Variants in TMEM233 observed in about 807,000 individuals in gnomAD.
TMEM233 encodes transmembrane protein 233.
Under a neutral mutation model 11.2 loss-of-function variants are expected in TMEM233, and 6 were observed. The observed-to-expected ratio is 0.54, with a 90% CI of 0.29 to 1.06. The LOEUF (loss-of-function observed/expected upper bound fraction) is 1.06, where lower values mean the gene tolerates loss of function less well. Ranked by LOEUF, TMEM233 falls within the 50% of genes least tolerant of loss-of-function variation. TMEM233 has a pLI of 0.08. For synonymous variants in TMEM233, 59 were observed against 55.8 expected, an observed-to-expected ratio of 1.06 and a Z score of -0.26; for missense variants, 127 against 144.7, an observed-to-expected ratio of 0.88 and a Z score of 0.63.
At position 119,594,817 on chromosome 12, in the gene TMEM233, G is replaced by A. The variant is rs1272222600; in HGVS notation, c.186+783G>A. On this transcript the variant is annotated intron_variant, in intron 1 of 2. Coordinates refer to ENST00000426426, the MANE Select transcript of TMEM233 (RefSeq NM_001136534.3). The surrounding 1 kb of genome is among the most constrained non-coding windows in gnomAD (Gnocchi z 5.6). The stretch of plus-strand genomic sequence containing the variant: ...TGCCCCCCTCACCAGCAAAGTGGGT[G>A]CGCCTCTCTTACTCTTTCTACCCAG... Among the ~76,000 whole-genome samples, 2 of 152,082 alleles carry A rather than the reference G, an allele frequency of 1.3e-5. No homozygotes were observed. The highest frequency in any genetic ancestry group is 2.9e-5 in the Non-Finnish European group (2 of 68,000).
At chr12:119,609,470 A>G (rs1469983705) in intron 1 of TMEM233, among the ~76,000 whole-genome samples, 1 of 152,240 alleles carries the variant, frequency 6.6e-6, no homozygotes, top group Non-Finnish European at 1.5e-5. Context: ...ACAATGGGCA[A>G]AATGTCTCCA....
chr12:119,613,985 G>A (rs1420345176), intron 1 of TMEM233, among the ~76,000 whole-genome samples: 1 of 151,934 alleles, frequency 6.6e-6, no homozygotes, highest in Non-Finnish European at 1.5e-5. Context: ...AGTGAGCAAG[G>A]GAAAAGGCTC....
chr12:119,628,097 G>T (rs942801105), intron 1 of TMEM233, among the ~76,000 whole-genome samples: 5 of 152,210 alleles, frequency 3.3e-5, no homozygotes, highest in Non-Finnish European at 7.3e-5. Context: ...CAGTCATGGA[G>T]CTGTAACTCA....
intron 1 of TMEM233, among the ~76,000 whole-genome samples, chr12:119,608,884 T>C (rs2136698613): frequency 1.3e-5 from 2 of 152,286 alleles, no homozygotes; most frequent in Non-Finnish European, 2.9e-5. Flanking sequence ...GCCCTGGAGA[T>C]AAATGCCCGC....
At position 119,626,538 on chromosome 12, in the gene TMEM233, G is replaced by GAAGAGAAGAGAAGAGAA. The variant is rs1566109309; in HGVS notation, c.187-3198_187-3197insAAGAGAAGAGAAGAGAA. ...AGGAGGAGAAGGGAGAAGGGAGAAG[G>GAAGAGAAGAGAAGAGAA]GAGAAGAGAAGAGAAGAGAAGAGAA... On this transcript the variant is annotated intron_variant, in intron 1 of 2. Coordinates refer to ENST00000426426, the MANE Select transcript of TMEM233 (RefSeq NM_001136534.3). Among the ~76,000 whole-genome samples, 129 of 63,752 alleles carry GAAGAGAAGAGAAGAGAA rather than the reference G, an allele frequency of 2.0e-3. 1 individual carries two copies. Among genetic ancestry groups the GAAGAGAAGAGAAGAGAA allele is most frequent in the South Asian group, 6.6e-3 (11 of 1,674 alleles). The allele number at this position is 63,752 out of a possible 152,430, so 41.8% of individuals were successfully genotyped here.
At chr12:119,635,196 C>G (rs1372974215) in intron 2 of TMEM233, among the ~76,000 whole-genome samples, 2 of 152,238 alleles carry the variant, frequency 1.3e-5, no homozygotes, top group Middle Eastern at 3.4e-3. Context: ...CTGCTAATAC[C>G]TTGAGGACTC....
intron 1 of TMEM233, among the ~76,000 whole-genome samples, chr12:119,615,828 G>T (rs373722118): frequency 4.1e-4 from 63 of 152,238 alleles, no homozygotes; most frequent in African/African-American, 1.5e-3. Flanking sequence ...CCGGTATTCA[G>T]TGCCAGTTAT....
At chr12:119,628,833 G>C (rs898803536) in intron 1 of TMEM233, among the ~76,000 whole-genome samples, 8 of 152,100 alleles carry the variant, frequency 5.3e-5, no homozygotes, top group Non-Finnish European at 1.5e-5. Context: ...TCCTGAGAGA[G>C]GTCAAAAAAC....
downstream of TMEM233, among the ~76,000 whole-genome samples, chr12:119,643,871 C>T (rs762534531): frequency 6.6e-6 from 1 of 152,088 alleles, no homozygotes; most frequent in African/African-American, 2.4e-5. Flanking sequence ...CCTCACAAGA[C>T]GGAAACTTCC....
intron 1 of TMEM233, among the ~76,000 whole-genome samples, chr12:119,604,929 G>A (rs1046335681): frequency 4.6e-5 from 7 of 151,886 alleles, no homozygotes; most frequent in Admixed American, 3.9e-4. Context: ...CACCATGCCT[G>A]GCTAAGTTAG....
chr12:119,608,139 T>G (rs990005676), intron 1 of TMEM233, among the ~76,000 whole-genome samples: 1 of 152,096 alleles, frequency 6.6e-6, no homozygotes, highest in African/African-American at 2.4e-5. Context: ...CCAGTGGGGT[T>G]TTTTAGCCTG....
chr12:119,632,478 CG>C (rs1954904476), intron 2 of TMEM233, among the ~76,000 whole-genome samples: 1 of 152,058 alleles, frequency 6.6e-6, no homozygotes, highest in South Asian at 2.1e-4. Flanking sequence ...GATTGATTTA[CG>C]GGGGAATGGT....
chr12:119,614,418 G>GAGAGAGAA (rs1248875050), intron 1 of TMEM233, among the ~76,000 whole-genome samples: 28 of 151,992 alleles, frequency 1.8e-4, no homozygotes, highest in African/African-American at 6.8e-4. Flanking sequence ...CAACGAGAGA[G>GAGAGAGAA]AGAGAGAGAG....
At position 119,595,014 on chromosome 12, in the gene TMEM233, G is replaced by C. The variant is rs1428267998; in HGVS notation, c.186+980G>C. Among the ~76,000 whole-genome samples the C allele has an allele frequency of 6.6e-6, 1 of 152,196 alleles. No individual in the cohort carries two copies. Among genetic ancestry groups the C allele is most frequent in the African/African-American group, 2.4e-5 (1 of 41,460 alleles). ...CGGCTCCGCCCGCCCTCTGCGCTCAGACCTCCCGAGCTGCCCGCCTCTCTA... is the reference window on the plus strand; with the variant it reads ...CGGCTCCGCCCGCCCTCTGCGCTCACACCTCCCGAGCTGCCCGCCTCTCTA... On this transcript the variant is annotated intron_variant, in intron 1 of 2. Coordinates refer to ENST00000426426, the MANE Select transcript of TMEM233 (RefSeq NM_001136534.3). The surrounding 1 kb of genome is among the most constrained non-coding windows in gnomAD (Gnocchi z 4.3).
chr12:119,595,829 T>C lies in TMEM233; in HGVS notation c.186+1795T>C, dbSNP rs775008052. On this transcript the variant is annotated intron_variant, in intron 1 of 2. Coordinates refer to ENST00000426426, the MANE Select transcript of TMEM233 (RefSeq NM_001136534.3). The surrounding 1 kb of genome is among the most constrained non-coding windows in gnomAD (Gnocchi z 4.3). The stretch of plus-strand genomic sequence containing the variant: ...CCTGCTACCTTTTGACCAAATTACT[T>C]CTCTCCATCTGATATAGTATTTTAA... Among the ~76,000 whole-genome samples the C allele has an allele frequency of 6.6e-6, 1 of 152,186 alleles. No homozygotes were observed. Among genetic ancestry groups the C allele is most frequent in the East Asian group, 1.9e-4 (1 of 5,194 alleles).
chr12:119,633,549 C>T (rs866989922), intron 2 of TMEM233, among the ~76,000 whole-genome samples: 3 of 152,038 alleles, frequency 2.0e-5, no homozygotes, highest in African/African-American at 4.8e-5. Flanking sequence ...GTCATGCCAT[C>T]GCACTCTAGC....
intron 1 of TMEM233, among the ~76,000 whole-genome samples, chr12:119,607,603 A>ATTT (rs35498864): frequency 2.7e-5 from 4 of 145,510 alleles, no homozygotes; most frequent in Non-Finnish European, 4.5e-5. Flanking sequence ...ATTAGATGCA[A>ATTT]TTTTTTTTTT....
At chr12:119,626,470 C>G (rs10849684) in intron 1 of TMEM233, among the ~76,000 whole-genome samples, 5 of 122,560 alleles carry the variant, frequency 4.1e-5, no homozygotes, top group African/African-American at 1.6e-4. Context: ...ACTCCGTCTC[C>G]GGAAAAAAAA....
At chr12:119,634,689 T>TA (rs1222800202) in intron 2 of TMEM233, among the ~76,000 whole-genome samples, 1 of 152,158 alleles carries the variant, frequency 6.6e-6, no homozygotes, top group Admixed American at 6.6e-5. Flanking sequence ...TCCCTGTCTT[T>TA]AAAAAAATCA....
Sources: gnomAD v4.1 joint callset for allele counts (sites outside exome capture counted in the v4.1 genomes callset) on GRCh38, gnomAD v4.1.1 for gene constraint, Gnocchi (gnomAD v3.1) non-coding constraint, MANE v1.5 for transcripts, NCBI Gene and HGNC (gene_info 2026-07-23, HGNC 2026-07-21) for gene names.